ZNF280D: variants seen among roughly 807,000 people sequenced by gnomAD.
ZNF280D encodes the protein zinc finger protein 280D.
A neutral mutation model predicts 94.7 loss-of-function variants in ZNF280D; 39 were observed. That is an observed-to-expected ratio of 0.41 (90% CI 0.32 to 0.54). The LOEUF (loss-of-function observed/expected upper bound fraction) is 0.54. Ranked by LOEUF, ZNF280D falls within the 20% of genes least tolerant of loss-of-function variation. ZNF280D has a pLI of 0.22. For missense variants in ZNF280D, 1,090 were observed against 1,149.3 expected (o/e 0.95, Z 0.75); for synonymous variants, 398 against 377.6 (o/e 1.05, Z -0.63).
intron 14 of ZNF280D, among the ~76,000 whole-genome samples, chr15:56,667,281 C>T (rs1296459141): frequency 6.6e-6 from 1 of 152,086 alleles, no homozygotes; most frequent in African/African-American, 2.4e-5. Context: ...CATTCCATAG[C>T]TATTTTTATG....
In ZNF280D at chr15:56,676,781, T is replaced by C. The variant is rs755408195; in HGVS notation, c.1299A>G (p.Val433=). 26 of 1,606,346 alleles carry C rather than the reference T, an allele frequency of 1.6e-5. No homozygotes were observed. The African/African-American group carries it at 2.7e-4, about 17-fold the overall frequency. The change falls in exon 13 of 22, where the codon GTA becomes GTG. Residue 433 remains valine, a synonymous_variant. Coordinates refer to ENST00000267807, the MANE Select transcript of ZNF280D (RefSeq NM_017661.4). ...CATGGGATGTTCTAAAATGAGTTTC[T>C]ACATCAGAAAATGATGATGATCTAT... is the stretch of plus-strand genomic sequence containing the variant. ...CNYRSSSFSD[V]ETHFRTSHEN...
intron 16 of ZNF280D, 77 bp downstream of exon 16, chr15:56,666,318 G>A: frequency 2.0e-6 from 3 of 1,518,302 alleles, no homozygotes; most frequent in East Asian, 2.3e-5. Context: ...GCTTCTAATA[G>A]GATAACTTTG....
intron 14 of ZNF280D, chr15:56,667,913 G>A (rs1176881679): frequency 5.3e-6 from 1 of 187,740 alleles, no homozygotes; most frequent in Non-Finnish European, 1.1e-5. Flanking sequence ...TAATTCTAAG[G>A]TGCTATAAAA....
At chr15:56,644,136 T>C (rs907385124) in intron 19 of ZNF280D, among the ~76,000 whole-genome samples, 3 of 152,110 alleles carry the variant, frequency 2.0e-5, no homozygotes, top group Admixed American at 6.6e-5. Flanking sequence ...TTATGTCCTT[T>C]GTAAAACCAC....
intron 13 of ZNF280D, among the ~76,000 whole-genome samples, chr15:56,675,481 T>G (rs532984101): frequency 1.3e-5 from 2 of 152,136 alleles, no homozygotes; most frequent in Middle Eastern, 3.4e-3. Flanking sequence ...CAGTGATCTA[T>G]TCCAAGAATA....
chr15:56,689,307 T>C lies in ZNF280D; in HGVS notation c.663A>G (p.Leu221=). ...ACCACATTTCATATTTACCTTTTGC[T>C]AGCATAGCCTGGGAAGAAGTCACTG... The part of the protein sequence containing the change: ...SPSVTSSQAM[L]AKGTNTSSNQ... Residue 221 remains leucine (L), a synonymous_variant, in exon 8 of 22, where the codon CTA becomes CTG. Coordinates refer to ENST00000267807, the MANE Select transcript of ZNF280D (RefSeq NM_017661.4). 6.3e-7 allele frequency: 1 copy of C among 1,594,728 alleles called. No homozygotes were observed. The highest frequency in any genetic ancestry group is 1.4e-5 in the African/African-American group (1 of 73,940).
chr15:56,673,335 T>C (rs1395381202), intron 13 of ZNF280D, among the ~76,000 whole-genome samples: 1 of 152,026 alleles, frequency 6.6e-6, no homozygotes, highest in African/African-American at 2.4e-5. Context: ...GAAAACTCCA[T>C]TCTTGCAACT....
chr15:56,716,087 A>G (rs1416226991), intron 1 of ZNF280D, among the ~76,000 whole-genome samples: 1 of 152,168 alleles, frequency 6.6e-6, no homozygotes, highest in Admixed American at 6.5e-5. Context: ...AAATTCTGCT[A>G]TCCACTGGGG....
In ZNF280D at chr15:56,642,857, T is replaced by C. The variant is rs1386107617; in HGVS notation, c.2259+95A>G. Reference sequence around the variant, plus strand: ...CTCACAACATCCCAAATATTGTTGATGTATGCATGCTGAAATTGAAAAAAA... The same window carrying C: ...CTCACAACATCCCAAATATTGTTGACGTATGCATGCTGAAATTGAAAAAAA... On this transcript the variant is annotated intron_variant, in intron 20 of 21. Transcript: ENST00000267807. 5 of 689,722 alleles carry C rather than the reference T, an allele frequency of 7.2e-6. No individual in the cohort carries two copies. The South Asian group carries it at 9.7e-5, about 13-fold the overall frequency. 42.7% of individuals were successfully genotyped at this position (689,722 alleles called of 1,614,324 possible).
chr15:56,710,140 C>T (rs1233462998), intron 1 of ZNF280D, among the ~76,000 whole-genome samples: 3 of 152,210 alleles, frequency 2.0e-5, no homozygotes, highest in Non-Finnish European at 2.9e-5. Context: ...CGGCGGCTCA[C>T]GCCTGTAATC....
At chr15:56,670,263 C>G (rs192483709) in intron 13 of ZNF280D, among the ~76,000 whole-genome samples, 1 of 149,940 alleles carries the variant, frequency 6.7e-6, no homozygotes, top group Non-Finnish European at 1.5e-5. Context: ...CACAGGTAAA[C>G]GTGTATCCCG....
At chr15:56,654,780 C>G (rs1211684665) in intron 17 of ZNF280D, 4 of 509,588 alleles carry the variant, frequency 7.8e-6, no homozygotes, top group South Asian at 6.2e-5. Context: ...TAGAGTCAGT[C>G]TTGGCTCCAC....
At chr15:56,710,341 G>A (rs1247408099) in intron 1 of ZNF280D, among the ~76,000 whole-genome samples, 3 of 152,120 alleles carry the variant, frequency 2.0e-5, no homozygotes, top group African/African-American at 7.2e-5. Context: ...GAGGCAGAGG[G>A]AGGTTGCAGT....
chr15:56,723,697 C>G (rs1341974464), intron 1 of ZNF280D, among the ~76,000 whole-genome samples: 4 of 152,014 alleles, frequency 2.6e-5, no homozygotes, highest in Non-Finnish European at 5.9e-5. Context: ...AAATATTTCC[C>G]ACACCATCCT....
intron 19 of ZNF280D, chr15:56,652,499 A>G (rs1472455121): frequency 2.4e-6 from 1 of 418,408 alleles, no homozygotes; most frequent in African/African-American, 2.2e-5. Context: ...TAAACAATAT[A>G]ATTTTTATTA....
At chr15:56,678,911 A>T in intron 10 of ZNF280D, 90 bp from the exon 11 acceptor site, 1 of 1,221,906 alleles carries the variant, frequency 8.2e-7, no homozygotes, top group African/African-American at 1.5e-5. Context: ...AATCTTAAAA[A>T]TATAGATGTA....
rs534480928 is a variant in ZNF280D, at chr15:56,713,185, C to T, written c.-85-5879G>A. Reference sequence around the variant, plus strand: ...TTTTAATTGGGGATTGCATTACTAACCAAGAAGTTGGCAACACCAAAACAA... The same window carrying T: ...TTTTAATTGGGGATTGCATTACTAATCAAGAAGTTGGCAACACCAAAACAA... On this transcript the variant is annotated intron_variant, in intron 1 of 21. Coordinates refer to ENST00000267807, the MANE Select transcript of ZNF280D (RefSeq NM_017661.4). Among the ~76,000 whole-genome samples, 5 of 152,160 alleles carry T rather than the reference C, an allele frequency of 3.3e-5. No individual in the cohort carries two copies. The East Asian group carries it at 9.7e-4, about 29-fold the overall frequency.
Position 56,654,405 on chromosome 15 carries a change from C to A in ZNF280D, c.2156G>T (p.Cys719Phe), listed in dbSNP as rs752466811. The change falls in exon 18 of 22, where the codon TGC becomes TTC. Residue 719 changes from cysteine (C) to phenylalanine (F), a missense_variant. Coordinates refer to ENST00000267807, the MANE Select transcript of ZNF280D (RefSeq NM_017661.4). The stretch of plus-strand genomic sequence containing the variant: ...CGTACCTTTCTGCATTACAACTTGG[C>A]AAGTATGAGTTTTATGTTGACTTAA... ...THLSQHKTHT[C>F]QVVMQKVSVC... The A allele has an allele frequency of 4.4e-6, 7 of 1,605,300 alleles. No individual in the cohort carries two copies. The East Asian group carries it at 1.1e-4, about 26-fold the overall frequency.
At chr15:56,701,347 ATAAC>A in intron 4 of ZNF280D, 109 bp from the exon 5 acceptor site, 1 of 716,098 alleles carries the variant, frequency 1.4e-6, no homozygotes, top group Non-Finnish European at 2.2e-6. Context: ...GAAGGAGTAT[ATAAC>A]TAATCACTGA....
Sources: allele counts gnomAD v4.1 joint callset (sites outside exome capture counted in the v4.1 genomes callset), GRCh38; gene constraint gnomAD v4.1.1; transcripts MANE v1.5; gene names NCBI Gene and HGNC (gene_info 2026-07-23, HGNC 2026-07-21).